The following LGR5 variants were observed in gnomAD, a reference collection of about 807,000 sequenced individuals.
The protein encoded by LGR5 is leucine rich repeat containing G protein-coupled receptor 5, also known as leucine-rich repeat-containing G protein-coupled receptor 5.
Under a neutral mutation model 76.7 loss-of-function variants are expected in LGR5, and 54 were observed. The observed-to-expected ratio is 0.70, with a 90% CI of 0.57 to 0.88. The LOEUF is 0.88. Among genes scored for constraint, LGR5 ranks in the 40% least tolerant of loss-of-function variants. The pLI is 0.00. For missense variants in LGR5, 1,078 were observed against 1,073.3 expected, an observed-to-expected ratio of 1.00 and a Z score of -0.06; for synonymous variants, 406 against 421.9, an observed-to-expected ratio of 0.96 and a Z score of 0.46.
chr12:71,528,242 G>C (rs192464919), intron 3 of LGR5, among the ~76,000 whole-genome samples: 1 of 152,178 alleles, frequency 6.6e-6, no homozygotes, highest in East Asian at 1.9e-4. Flanking sequence ...TGAATTACTT[G>C]AGCTCAGGAG....
chr12:71,584,402 C>A lies in LGR5; in HGVS notation c.2392C>A (p.Pro798Thr). ...SSLINLTFISPEVIKFILLVV... is the reference protein window; with the variant it reads ...SSLINLTFISTEVIKFILLVV... ...TTTAATAAACCTTACATTTATCAGTCCTGAAGTAATTAAGTTTATCCTTCT... is the reference window on the plus strand; with the variant it reads ...TTTAATAAACCTTACATTTATCAGTACTGAAGTAATTAAGTTTATCCTTCT... Residue 798 changes from proline to threonine, a missense_variant, in exon 18 of 18, where the codon CCT becomes ACT. Pro to Thr is a conservative substitution (Grantham distance 38). Coordinates refer to ENST00000266674, the MANE Select transcript of LGR5 (RefSeq NM_003667.4). 1 of 1,614,102 alleles carries A rather than the reference C, an allele frequency of 6.2e-7. No individual in the cohort carries two copies. The highest frequency in any genetic ancestry group is 8.5e-7 in the Non-Finnish European group (1 of 1,179,942).
Position 71,566,403 on chromosome 12 carries a change from G to GACA in LGR5, c.858_860dup (p.Ile286_His287insGln). The GACA allele has an allele frequency of 1.3e-6, 2 of 1,587,082 alleles. No homozygotes were observed. Among genetic ancestry groups the GACA allele is most frequent in the Non-Finnish European group, 1.7e-6 (2 of 1,157,408 alleles). ...TTAATTGCTGTTTGGGTTTCTTTTA[G>GACA]ACATTTCTATGACAATCCCATCCAG... On this transcript the variant is annotated inframe_insertion and splice_region_variant. Coordinates refer to ENST00000266674, the MANE Select transcript of LGR5 (RefSeq NM_003667.4).
chr12:71,545,248 C>A (rs1481201624), intron 4 of LGR5, among the ~76,000 whole-genome samples: 1 of 152,142 alleles, frequency 6.6e-6, no homozygotes, highest in Non-Finnish European at 1.5e-5. Context: ...GAGTTTGAGA[C>A]CAACCTGGCC....
At chr12:71,522,833 A>T (rs556553125) in intron 2 of LGR5, among the ~76,000 whole-genome samples, 21 of 152,302 alleles carry the variant, frequency 1.4e-4, no homozygotes, top group Non-Finnish European at 2.6e-4. Context: ...AAGGGACCCA[A>T]GAAGACATTT....
intron 6 of LGR5, among the ~76,000 whole-genome samples, chr12:71,558,302 T>C (rs954278832): frequency 2.6e-5 from 4 of 151,484 alleles, no homozygotes; most frequent in Non-Finnish European, 5.9e-5. Context: ...ATAAATAGTC[T>C]TTTTTTTCCC....
intron 1 of LGR5, among the ~76,000 whole-genome samples, chr12:71,490,804 A>C (rs1033239995): frequency 6.6e-6 from 1 of 152,200 alleles, no homozygotes; most frequent in African/African-American, 2.4e-5. Context: ...TGTATAATTC[A>C]GAAGGCTTAA....
intron 4 of LGR5, among the ~76,000 whole-genome samples, chr12:71,537,754 C>G (rs1876674349): frequency 2.6e-5 from 4 of 152,150 alleles, no homozygotes; most frequent in Admixed American, 2.6e-4. Flanking sequence ...TATCCATTCT[C>G]CATTCATTTT....
At chr12:71,522,085 A>T (rs1875752727) in intron 2 of LGR5, among the ~76,000 whole-genome samples, 1 of 152,114 alleles carries the variant, frequency 6.6e-6, no homozygotes, top group African/African-American at 2.4e-5. Flanking sequence ...AGAGGGGGGA[A>T]TGTGGAGGGC....
At chr12:71,533,380 T>C (rs992791373) in intron 3 of LGR5, among the ~76,000 whole-genome samples, 6 of 152,108 alleles carry the variant, frequency 3.9e-5, no homozygotes, top group African/African-American at 1.4e-4. Flanking sequence ...ACTAAATACA[T>C]AAATATTTAG....
chr12:71,470,381 GTATGTACTT>G (rs1873046291), intron 1 of LGR5, among the ~76,000 whole-genome samples: 1 of 152,116 alleles, frequency 6.6e-6, no homozygotes, highest in South Asian at 2.1e-4. Context: ...GGTTTTCATT[GTATGTACTT>G]TAACAGTTTC....
chr12:71,536,252 A>T (rs897360971), intron 4 of LGR5, among the ~76,000 whole-genome samples: 1 of 152,236 alleles, frequency 6.6e-6, no homozygotes, highest in African/African-American at 2.4e-5. Context: ...ATAATTACAT[A>T]TAGTTTGCTT....
intron 1 of LGR5, among the ~76,000 whole-genome samples, chr12:71,444,586 T>G (rs1871902829): frequency 6.6e-6 from 1 of 152,106 alleles, no homozygotes. Flanking sequence ...CTTATGCATT[T>G]TCCTCAAAGT....
At chr12:71,488,853 A>C (rs2137275041) in intron 1 of LGR5, among the ~76,000 whole-genome samples, 2 of 152,324 alleles carry the variant, frequency 1.3e-5, no homozygotes, top group South Asian at 4.1e-4. Context: ...ACTGAGGATG[A>C]TAAGGGCAAT....
At position 71,566,664 on chromosome 12, in the gene LGR5, T is replaced by C; in HGVS notation, c.962T>C (p.Phe321Ser). ...TLNGASQITEFPDLTGTANLE... is the reference protein window; with the variant it reads ...TLNGASQITESPDLTGTANLE... ...AATGGTGCCTCACAAATAACTGAAT[T>C]TCCTGATTTAACTGGAACTGCAAAC... is the stretch of plus-strand genomic sequence containing the variant. Residue 321 changes from phenylalanine (F) to serine (S), a missense_variant, in exon 10 of 18, where the codon TTT (phenylalanine) becomes TCT (serine). Coordinates refer to ENST00000266674, the MANE Select transcript of LGR5 (RefSeq NM_003667.4). 6.2e-7 allele frequency: 1 copy of C among 1,613,590 alleles called. No homozygotes were observed. The highest frequency in any genetic ancestry group is 1.1e-5 in the South Asian group (1 of 91,066).
chr12:71,566,573 T>C, intron 9 of LGR5, 59 bp from the exon 10 acceptor site: 1 of 1,547,856 alleles, frequency 6.5e-7, no homozygotes, highest in Non-Finnish European at 8.9e-7. Flanking sequence ...AAAATGGCAA[T>C]AAAAATTACC....
intron 1 of LGR5, among the ~76,000 whole-genome samples, chr12:71,489,751 G>A (rs550869360): frequency 2.0e-5 from 3 of 152,088 alleles, no homozygotes; most frequent in African/African-American, 7.2e-5. Context: ...CTCCAAAAGT[G>A]TATCTATTGT....
At position 71,556,572 on chromosome 12, in the gene LGR5, G is replaced by A. The variant is rs1309054478; in HGVS notation, c.645-47G>A. 5 of 1,147,548 alleles carry A rather than the reference G, an allele frequency of 4.4e-6. No homozygotes were observed. The African/African-American group carries it at 4.5e-5, about 10-fold the overall frequency. The allele number at this position is 1,147,548 out of a possible 1,614,324, so 71.1% of individuals were successfully genotyped here. A position where few individuals can be genotyped will look rare whatever the true frequency, so the allele number is the denominator to read the frequency against. ...TTTAAGCTATCAAAATGTTAAGTGTGGTCTGTGCAGTGTGCCTTCCTAACT... is the reference window on the plus strand; with the variant it reads ...TTTAAGCTATCAAAATGTTAAGTGTAGTCTGTGCAGTGTGCCTTCCTAACT... On this transcript the variant is annotated intron_variant, in intron 5 of 17. Transcript: ENST00000266674.
At chr12:71,472,736 G>A (rs1873153640) in intron 1 of LGR5, among the ~76,000 whole-genome samples, 1 of 152,210 alleles carries the variant, frequency 6.6e-6, no homozygotes, top group East Asian at 1.9e-4. Context: ...TACCACAAGG[G>A]TGTGATCCTT....
intron 8 of LGR5, 57 bp downstream of exon 8, chr12:71,561,909 C>A: frequency 1.0e-6 from 1 of 980,922 alleles, no homozygotes; most frequent in Non-Finnish European, 1.6e-6. Flanking sequence ...ATATATTATA[C>A]TTTGAAATAC....
Sources: gnomAD v4.1 joint callset for allele counts (sites outside exome capture counted in the v4.1 genomes callset) on GRCh38, gnomAD v4.1.1 for gene constraint, MANE v1.5 for transcripts, NCBI Gene and HGNC (gene_info 2026-07-23, HGNC 2026-07-21) for gene names.